The following LONP2 variants were observed in gnomAD, a reference collection of about 807,000 sequenced individuals.
LONP2 encodes the protein lon peptidase 2, peroxisomal.
LONP2 carries 60 observed loss-of-function variants against 85.6 expected under a neutral mutation model. That is an observed-to-expected ratio of 0.70 (90% CI 0.57 to 0.87). The LOEUF (loss-of-function observed/expected upper bound fraction) is 0.87. Among genes scored for constraint, LONP2 ranks in the 40% least tolerant of loss-of-function variants. LONP2 has a pLI of 0.00. For missense variants in LONP2, 860 were observed against 1,063.5 expected (o/e 0.81, Z 2.66); for synonymous variants, 395 against 389.7 (o/e 1.01, Z -0.16).
chr16:48,328,570 C>T (rs1333136939), intron 11 of LONP2, among the ~76,000 whole-genome samples: 4 of 151,360 alleles, frequency 2.6e-5, no homozygotes, highest in African/African-American at 9.7e-5. Flanking sequence ...CTCAGCTTCT[C>T]AGGAGGCTGA....
In LONP2 at chr16:48,362,422, G is replaced by A; in HGVS notation, c.*559G>A. On this transcript the variant is annotated 3_prime_UTR_variant, in exon 5 of 5. Transcript: ENST00000565867. The surrounding 1 kb of genome is among the most constrained non-coding windows in gnomAD (Gnocchi z 4.2). ...GTAGGTAATGCTGTAGCAGTCTGAC[G>A]GCTCATTTCTGAAATAAATACATAA... 1 of 1,613,806 alleles carries A rather than the reference G, an allele frequency of 6.2e-7. No individual in the cohort carries two copies. The highest frequency in any genetic ancestry group is 8.5e-7 in the Non-Finnish European group (1 of 1,179,904).
At chr16:48,332,661 T>C (rs1435818885) in intron 11 of LONP2, among the ~76,000 whole-genome samples, 1 of 148,676 alleles carries the variant, frequency 6.7e-6, no homozygotes, top group Non-Finnish European at 1.5e-5. Context: ...CAGTGAGCCA[T>C]GATTGTGGCA....
chr16:48,306,489 A>G (rs1222423463), intron 11 of LONP2, among the ~76,000 whole-genome samples: 1 of 152,224 alleles, frequency 6.6e-6, no homozygotes, highest in Non-Finnish European at 1.5e-5. Context: ...CCTAAAAGAT[A>G]ATATAGTTAA....
intron 11 of LONP2, among the ~76,000 whole-genome samples, chr16:48,304,483 G>T (rs991628123): frequency 1.3e-5 from 2 of 152,040 alleles, no homozygotes; most frequent in African/African-American, 4.8e-5. Context: ...GCAGGCAGAT[G>T]ACTTGAGGTC....
In LONP2 at chr16:48,356,761, A is replaced by C; in HGVS notation, c.*4959A>C. The C allele has an allele frequency of 3.2e-6, 1 of 309,346 alleles. No individual in the cohort carries two copies. Among genetic ancestry groups the C allele is most frequent in the East Asian group, 8.8e-5 (1 of 11,336 alleles). The allele number at this position is 309,346 out of a possible 1,614,324, so 19.2% of individuals were successfully genotyped here. On this transcript the variant is annotated 3_prime_UTR_variant, in exon 15 of 15. Transcript: ENST00000285737. ...AAGTTACAGCAAAAGGACTTCTAAA[A>C]CAATTTTAGGAAAAGCTTTGTCATG... is the stretch of plus-strand genomic sequence containing the variant.
intron 3 of LONP2, 136 bp downstream of exon 3, chr16:48,256,877 T>C: frequency 1.3e-6 from 1 of 755,876 alleles, no homozygotes; most frequent in Non-Finnish European, 2.1e-6. Context: ...ACATTTAAAC[T>C]GACTTTCAAA....
In LONP2 at chr16:48,353,220, T is replaced by A. The variant is rs952753206; in HGVS notation, c.*1418T>A. 1 of 149,754 alleles carries A rather than the reference T, an allele frequency of 6.7e-6. No homozygotes were observed. Among genetic ancestry groups the A allele is most frequent in the South Asian group, 2.1e-4 (1 of 4,796 alleles). The allele number at this position is 149,754 out of a possible 1,614,324, so 9.3% of individuals were successfully genotyped here. A position where few individuals can be genotyped will look rare whatever the true frequency, so the allele number is the denominator to read the frequency against. ...TGGAATTTCCTGGATGAGAAGGAAG[T>A]CTGGGCTGGGCATGGTGGCTCACGC... On this transcript the variant is annotated 3_prime_UTR_variant, in exon 15 of 15. Coordinates refer to ENST00000285737, the MANE Select transcript of LONP2 (RefSeq NM_031490.5).
In LONP2 at chr16:48,362,668, G is replaced by A; in HGVS notation, c.*805G>A. The A allele has an allele frequency of 2.1e-6, 1 of 480,280 alleles. No individual in the cohort carries two copies. The highest frequency in any genetic ancestry group is 4.1e-5 in the East Asian group (1 of 24,542). The allele number at this position is 480,280 out of a possible 1,614,324, so 29.8% of individuals were successfully genotyped here. ...TTCAAAATGTTCCGGAAAACATGTGGAACTCCCTTAATCGTCTTTGGATAG... is the reference window on the plus strand; with the variant it reads ...TTCAAAATGTTCCGGAAAACATGTGAAACTCCCTTAATCGTCTTTGGATAG... On this transcript the variant is annotated 3_prime_UTR_variant, in exon 5 of 5. Transcript: ENST00000565867. The surrounding 1 kb of genome is among the most constrained non-coding windows in gnomAD (Gnocchi z 4.2).
chr16:48,348,301 A>T lies in LONP2; in HGVS notation c.2337+11A>T. On this transcript the variant is annotated intron_variant, in intron 14 of 14. Transcript: ENST00000285737. ...GGTCTTGTTCTTCCAGTAAGTATGAAAAAACAATTTATATGGTTATTTTTT... is the reference window on the plus strand; with the variant it reads ...GGTCTTGTTCTTCCAGTAAGTATGATAAAACAATTTATATGGTTATTTTTT... The T allele has an allele frequency of 7.1e-7, 1 of 1,415,882 alleles. No individual in the cohort carries two copies. Among genetic ancestry groups the T allele is most frequent in the Non-Finnish European group, 9.3e-7 (1 of 1,074,600 alleles). The allele number at this position is 1,415,882 out of a possible 1,614,324, so 87.7% of individuals were successfully genotyped here. A position where few individuals can be genotyped will look rare whatever the true frequency, so the allele number is the denominator to read the frequency against.
intron 7 of LONP2, among the ~76,000 whole-genome samples, chr16:48,272,629 G>A (rs1392030004): frequency 2.0e-5 from 3 of 152,118 alleles, no homozygotes; most frequent in African/African-American, 7.2e-5. Context: ...TATGGAGGCT[G>A]TGATTGTTGC....
At chr16:48,258,076 A>G (rs913794059) in intron 3 of LONP2, among the ~76,000 whole-genome samples, 27 of 152,272 alleles carry the variant, frequency 1.8e-4, no homozygotes, top group African/African-American at 6.0e-4. Flanking sequence ...GGCCGGGCGC[A>G]GTGGCCCACG....
At chr16:48,265,248 T>C (rs1971966422) in intron 6 of LONP2, among the ~76,000 whole-genome samples, 1 of 152,222 alleles carries the variant, frequency 6.6e-6, no homozygotes, top group South Asian at 2.1e-4. Flanking sequence ...ATTTTTGCTT[T>C]TGTTGCCTTG....
intron 9 of LONP2, 118 bp downstream of exon 9, chr16:48,296,283 A>G: frequency 1.8e-6 from 2 of 1,130,820 alleles, no homozygotes; most frequent in Non-Finnish European, 2.5e-6. Flanking sequence ...AATCTTCAGA[A>G]GTTCTGAGGA....
intron 11 of LONP2, among the ~76,000 whole-genome samples, chr16:48,323,369 G>A (rs74411061): frequency 0.012 from 1,864 of 152,150 alleles, 39 homozygotes; most frequent in African/African-American, 0.042. Flanking sequence ...TAAAATTGAA[G>A]AATGGCCAGG....
intron 8 of LONP2, among the ~76,000 whole-genome samples, chr16:48,283,436 G>C (rs147823431): frequency 1.1e-3 from 162 of 152,284 alleles, no homozygotes; most frequent in African/African-American, 3.6e-3. Flanking sequence ...CTTGTTAGGG[G>C]CTAATGCAGC....
At chr16:48,317,928 G>A (rs1486417) in intron 11 of LONP2, among the ~76,000 whole-genome samples, 152,318 of 152,336 alleles carry the variant, frequency 1, 76,150 homozygotes, top group Non-Finnish European at 1. Flanking sequence ...TTGGAGATTT[G>A]TTGTTTATCT....
chr16:48,349,217 A>G (rs1960065627), intron 14 of LONP2, among the ~76,000 whole-genome samples: 1 of 152,022 alleles, frequency 6.6e-6, no homozygotes, highest in Non-Finnish European at 1.5e-5. Flanking sequence ...TTAGTCCACA[A>G]CAAGATTTTG....
chr16:48,290,950 C>G (rs2150991640), intron 8 of LONP2, among the ~76,000 whole-genome samples: 1 of 152,250 alleles, frequency 6.6e-6, no homozygotes, highest in Non-Finnish European at 1.5e-5. Context: ...CTGCCAGCCA[C>G]CAGTCAATCA....
At chr16:48,326,761 G>A (rs1959248448) in intron 11 of LONP2, among the ~76,000 whole-genome samples, 1 of 152,118 alleles carries the variant, frequency 6.6e-6, no homozygotes, top group Admixed American at 6.5e-5. Context: ...GAAGTTTCCT[G>A]AGTTATTACA....
Sources: allele counts gnomAD v4.1 joint callset (sites outside exome capture counted in the v4.1 genomes callset), GRCh38; gene constraint gnomAD v4.1.1; non-coding constraint Gnocchi (gnomAD v3.1); transcripts MANE v1.5; gene names NCBI Gene and HGNC (gene_info 2026-07-23, HGNC 2026-07-21).